The following U2SURP variants were observed in gnomAD, a reference collection of about 807,000 sequenced individuals.
U2SURP encodes U2 snRNP associated SURP domain containing.
In U2SURP, 9 loss-of-function variants were observed where a neutral mutation model predicts 144.9. The observed-to-expected ratio is 0.06, with a 90% CI of 0.04 to 0.11. U2SURP has a LOEUF of 0.11. Among genes scored for constraint, U2SURP ranks in the 10% least tolerant of loss-of-function variants. U2SURP has a pLI of 1.00. For missense variants in U2SURP, 724 were observed against 1,226.7 expected (o/e 0.59, Z 6.12); for synonymous variants, 408 against 396.8 (o/e 1.03, Z -0.33).
At chr3:143,037,691 T>C (rs1057010744) in intron 21 of U2SURP, among the ~76,000 whole-genome samples, 2 of 152,130 alleles carry the variant, frequency 1.3e-5, no homozygotes, top group Non-Finnish European at 2.9e-5. Flanking sequence ...CAGTTTTTAT[T>C]AGTTTTTCTA....
chr3:143,007,938 C>T (rs1423496597), intron 1 of U2SURP, among the ~76,000 whole-genome samples: 1 of 152,168 alleles, frequency 6.6e-6, no homozygotes, highest in Admixed American at 6.5e-5. Flanking sequence ...ATTGTGTTAA[C>T]TGCTGTTTGA....
intron 8 of U2SURP, 59 bp downstream of exon 8, chr3:143,020,752 A>C: frequency 1.5e-6 from 2 of 1,328,686 alleles, no homozygotes; most frequent in Non-Finnish European, 2.1e-6. Context: ...TTCCCACCTT[A>C]TCCGTGGCGG....
chr3:143,054,978 G>A lies in U2SURP; in HGVS notation c.2810G>A (p.Arg937His), dbSNP rs1240444695. The change falls in exon 27 of 28, where the codon CGC (arginine) becomes CAC (histidine). Residue 937 changes from arginine (R) to histidine (H), a missense_variant. By Grantham distance (29) the Arg-to-His change is conservative. Transcript: ENST00000473835. ...RRHSTSPSPS[R>H]SSSGRRVKSP... ...CACAGTACATCCCCCAGCCCATCTCGCAGTAGCAGTGGTAGACGAGTGAAA... is the reference window on the plus strand; with the variant it reads ...CACAGTACATCCCCCAGCCCATCTCACAGTAGCAGTGGTAGACGAGTGAAA... The A allele has an allele frequency of 2.5e-6, 4 of 1,609,066 alleles. No individual in the cohort carries two copies. Among genetic ancestry groups the A allele is most frequent in the Non-Finnish European group, 2.5e-6 (3 of 1,177,990 alleles).
chr3:143,007,190 G>A (rs1388482556), intron 1 of U2SURP, among the ~76,000 whole-genome samples: 2 of 151,950 alleles, frequency 1.3e-5, no homozygotes, highest in Non-Finnish European at 2.9e-5. Context: ...TGCTTTCTCT[G>A]CCTTAAAATA....
chr3:143,052,531 G>A (rs1192920959), intron 25 of U2SURP, among the ~76,000 whole-genome samples: 1 of 152,192 alleles, frequency 6.6e-6, no homozygotes, highest in Non-Finnish European at 1.5e-5. Flanking sequence ...GATTATAATT[G>A]GAGAGAAGGA....
chr3:143,043,310 A>G, intron 24 of U2SURP, 34 bp downstream of exon 24: 1 of 1,558,130 alleles, frequency 6.4e-7, no homozygotes, highest in Non-Finnish European at 8.7e-7. Context: ...ATTACACTTT[A>G]TTGGCTTTTC....
At chr3:143,049,559 C>T (rs186593862) in intron 24 of U2SURP, among the ~76,000 whole-genome samples, 14 of 152,234 alleles carry the variant, frequency 9.2e-5, no homozygotes, top group African/African-American at 3.1e-4. Context: ...CATCCAAGAT[C>T]CATGTGCTTT....
intron 6 of U2SURP, 135 bp from the exon 7 acceptor site, chr3:143,019,834 A>G (rs1936546903): frequency 2.4e-6 from 1 of 413,234 alleles, no homozygotes; most frequent in South Asian, 7.7e-5. Flanking sequence ...ATGATAAGAA[A>G]AGCATTCTTC....
intron 24 of U2SURP, among the ~76,000 whole-genome samples, chr3:143,047,633 C>T: frequency 2.1e-5 from 1 of 48,118 alleles, no homozygotes; most frequent in East Asian, 7.8e-4. Flanking sequence ...GGCTGACCCC[C>T]CCTCCCGCCT....
At chr3:143,041,264 A>G (rs542608409) in intron 23 of U2SURP, among the ~76,000 whole-genome samples, 1 of 152,106 alleles carries the variant, frequency 6.6e-6, no homozygotes, top group East Asian at 1.9e-4. Context: ...AAACACTTGT[A>G]TAATTTTATG....
At chr3:143,030,111 A>G (rs1442382438) in intron 16 of U2SURP, among the ~76,000 whole-genome samples, 1 of 152,262 alleles carries the variant, frequency 6.6e-6, no homozygotes, top group Admixed American at 6.5e-5. Context: ...AATTATCCAG[A>G]AGATCTGAGG....
At chr3:143,017,131 G>A in intron 6 of U2SURP, 156 bp downstream of exon 6, 1 of 567,096 alleles carries the variant, frequency 1.8e-6, no homozygotes, top group South Asian at 5.5e-5. Flanking sequence ...AATTTACTTA[G>A]ATGAGAGTTA....
intron 13 of U2SURP, chr3:143,024,641 C>T (rs935718520): frequency 3.4e-6 from 1 of 293,090 alleles, no homozygotes; most frequent in Non-Finnish European, 6.7e-6. Flanking sequence ...TATGCTCTTG[C>T]TCAGTCAAGC....
intron 25 of U2SURP, among the ~76,000 whole-genome samples, chr3:143,051,602 C>CA (rs3041537): frequency 0.042 from 3,807 of 90,390 alleles, 309 homozygotes; most frequent in African/African-American, 0.13. Flanking sequence ...ACTGTCGTTG[C>CA]AAAAAAAAAA....
chr3:143,043,161 A>G lies in U2SURP; in HGVS notation c.2429A>G (p.Lys810Arg), dbSNP rs1007221187. ...GATGAAGAAGATACTCAAAGTTCCA[A>G]ATCTGAAGAACATCATTTGTACTCT... ...SEDEEDTQSS[K>R]SEEHHLYSNP... Residue 810 changes from lysine to arginine, a missense_variant, in exon 24 of 28, where the codon AAA (lysine) becomes AGA (arginine). Coordinates refer to ENST00000473835, the MANE Select transcript of U2SURP (RefSeq NM_001080415.2). The G allele has an allele frequency of 1.2e-6, 2 of 1,604,454 alleles. No individual in the cohort carries two copies. The highest frequency in any genetic ancestry group is 2.2e-5 in the East Asian group (1 of 44,780).
Position 143,001,693 on chromosome 3 carries a change from C to A in U2SURP, c.45+20C>A. 1 of 1,613,428 alleles carries A rather than the reference C, an allele frequency of 6.2e-7. No homozygotes were observed. Among genetic ancestry groups the A allele is most frequent in the Non-Finnish European group, 8.5e-7 (1 of 1,179,684 alleles). ...TCAAAGGTAATTTCTGACAAAATTT[C>A]GTAAGTCAGCGGATCTACCACTGTC... is the stretch of plus-strand genomic sequence containing the variant. On this transcript the variant is annotated intron_variant, in intron 1 of 27. Coordinates refer to ENST00000473835, the MANE Select transcript of U2SURP (RefSeq NM_001080415.2).
intron 6 of U2SURP, among the ~76,000 whole-genome samples, chr3:143,017,534 G>GT (rs941994015): frequency 7.4e-4 from 111 of 150,228 alleles, no homozygotes; most frequent in Non-Finnish European, 1.3e-3. Flanking sequence ...AGTAAGCCTG[G>GT]TTTTTTTTGT....
Position 143,036,095 on chromosome 3 carries a change from G to T in U2SURP, c.2055G>T (p.Lys685Asn). 6.2e-7 allele frequency: 1 copy of T among 1,603,834 alleles called. No homozygotes were observed. The highest frequency in any genetic ancestry group is 8.5e-7 in the Non-Finnish European group (1 of 1,176,856). The change falls in exon 20 of 28, where the codon AAG (lysine) becomes AAT (asparagine). Residue 685 changes from lysine to asparagine, a missense_variant. By Grantham distance (94) the Lys-to-Asn change is moderately conservative. Coordinates refer to ENST00000473835, the MANE Select transcript of U2SURP (RefSeq NM_001080415.2). ...GACTTGTAAATATTATTGAAGAAAA[G>T]GAAACAGAGGTAGGCAGTCTGTATT... is the stretch of plus-strand genomic sequence containing the variant. ...FLGLVNIIEE[K>N]ETEDVPDDLD...
chr3:143,033,494 T>G, intron 18 of U2SURP, 144 bp downstream of exon 18: 5 of 560,140 alleles, frequency 8.9e-6, no homozygotes, highest in Non-Finnish European at 1.6e-5. Flanking sequence ...ATCCATGAAT[T>G]CAACCAACCA....
Sources: allele counts gnomAD v4.1 joint callset (sites outside exome capture counted in the v4.1 genomes callset), GRCh38; gene constraint gnomAD v4.1.1; transcripts MANE v1.5; gene names NCBI Gene and HGNC (gene_info 2026-07-23, HGNC 2026-07-21).